The following EYA1 variants were observed in gnomAD, a reference collection of about 807,000 sequenced individuals.
The protein encoded by EYA1 is protein phosphatase EYA1.
Under a neutral mutation model 82.0 loss-of-function variants are expected in EYA1, and 16 were observed. That is an observed-to-expected ratio of 0.20 (90% CI 0.13 to 0.30). The LOEUF (loss-of-function observed/expected upper bound fraction) is 0.30, where lower values mean the gene tolerates loss of function less well. EYA1 is among the 10% of genes least tolerant of loss of function. EYA1 has a pLI of 1.00. For missense variants in EYA1, 633 were observed against 730.7 expected, an observed-to-expected ratio of 0.87 and a Z score of 1.54; for synonymous variants, 261 against 264.4, an observed-to-expected ratio of 0.99 and a Z score of 0.12.
intron 7 of EYA1, among the ~76,000 whole-genome samples, chr8:71,305,924 A>G (rs1412892468): frequency 6.6e-6 from 1 of 152,312 alleles, no homozygotes; most frequent in East Asian, 1.9e-4. Flanking sequence ...CATTAACAGC[A>G]TCTACTGGCA....
intron 2 of EYA1, among the ~76,000 whole-genome samples, chr8:71,471,553 A>G (rs563783359): frequency 1.5e-4 from 23 of 152,114 alleles, no homozygotes; most frequent in Non-Finnish European, 2.6e-4. Context: ...TTTCTCATAA[A>G]TAAAACACAA....
Position 71,214,597 on chromosome 8 carries a change from G to A in EYA1, c.1597+790C>T, listed in dbSNP as rs150448644. ...GGACCTTGGAATCAGAGAAACATGA[G>A]GCTTGAGCCTTGTGTTTGTGAACTA... On this transcript the variant is annotated intron_variant, in intron 16 of 17. Transcript: ENST00000340726. Among the ~76,000 whole-genome samples, 1,030 of 152,272 alleles carry A rather than the reference G, an allele frequency of 6.8e-3. 4 individuals carry two copies. Among genetic ancestry groups the A allele is most frequent in the Non-Finnish European group, 9.2e-3 (625 of 68,030 alleles).
intron 2 of EYA1, among the ~76,000 whole-genome samples, chr8:71,504,903 G>A (rs1471980728): frequency 6.6e-6 from 1 of 152,176 alleles, no homozygotes; most frequent in African/African-American, 2.4e-5. Context: ...CCGGGCTCAA[G>A]TGATTCTCCT....
chr8:71,500,793 A>T (rs1357997207), intron 2 of EYA1, among the ~76,000 whole-genome samples: 1 of 152,176 alleles, frequency 6.6e-6, no homozygotes, highest in Non-Finnish European at 1.5e-5. Context: ...ACACATAAGG[A>T]CAACTTATTA....
At chr8:71,459,415 G>A (rs1049712288) in intron 2 of EYA1, among the ~76,000 whole-genome samples, 1 of 152,042 alleles carries the variant, frequency 6.6e-6, no homozygotes, top group Non-Finnish European at 1.5e-5. Flanking sequence ...TTGGTGTAAT[G>A]GGCTATTTAA....
At chr8:71,345,781 C>A (rs1825628210) in intron 3 of EYA1, among the ~76,000 whole-genome samples, 1 of 152,124 alleles carries the variant, frequency 6.6e-6, no homozygotes, top group South Asian at 2.1e-4. Context: ...GTGCCCACTA[C>A]CCCTTGAATA....
intron 12 of EYA1, among the ~76,000 whole-genome samples, chr8:71,238,554 T>A (rs1446493444): frequency 1.3e-5 from 2 of 152,164 alleles, no homozygotes; most frequent in Admixed American, 1.3e-4. Flanking sequence ...TTATAAGGTT[T>A]CTTCCTAAAT....
intron 16 of EYA1, among the ~76,000 whole-genome samples, chr8:71,212,756 C>T (rs1322122571): frequency 2.0e-5 from 3 of 152,184 alleles, no homozygotes; most frequent in Non-Finnish European, 4.4e-5. Flanking sequence ...CCAGTCATCT[C>T]CTCCTATGAC....
intron 5 of EYA1, 87 bp downstream of exon 5, chr8:71,322,112 T>G: frequency 8.1e-7 from 1 of 1,229,332 alleles, no homozygotes. Flanking sequence ...TAAATTAAGA[T>G]GGAACATGTG....
chr8:71,501,023 T>C (rs900936903), intron 2 of EYA1, among the ~76,000 whole-genome samples: 2 of 152,350 alleles, frequency 1.3e-5, no homozygotes, highest in South Asian at 4.1e-4. Flanking sequence ...TAACTTGGTG[T>C]CAAGCCATAG....
intron 17 of EYA1, among the ~76,000 whole-genome samples, chr8:71,202,395 C>T (rs966599043): frequency 6.0e-4 from 92 of 152,126 alleles, no homozygotes; most frequent in African/African-American, 2.1e-3. Flanking sequence ...ACATGTTTTT[C>T]TTTTAAACCA....
intron 12 of EYA1, among the ~76,000 whole-genome samples, chr8:71,224,967 G>T (rs140659549): frequency 6.6e-6 from 1 of 152,206 alleles, no homozygotes; most frequent in Admixed American, 6.5e-5. Flanking sequence ...CCAATTGATG[G>T]AACAGATTTG....
intron 2 of EYA1, among the ~76,000 whole-genome samples, chr8:71,412,928 C>T (rs67776183): frequency 3.9e-5 from 6 of 151,970 alleles, no homozygotes; most frequent in African/African-American, 1.5e-4. Flanking sequence ...GTGGGAATAC[C>T]TTTTGGGGAG....
At chr8:71,269,903 T>C in intron 10 of EYA1, 80 bp from the exon 11 acceptor site, 1 of 1,061,528 alleles carries the variant, frequency 9.4e-7, no homozygotes, top group Non-Finnish European at 1.5e-6. Flanking sequence ...CACGAAAAAG[T>C]CATCTTGAAA....
At chr8:71,235,912 G>T (rs1231007347) in intron 12 of EYA1, among the ~76,000 whole-genome samples, 1 of 152,088 alleles carries the variant, frequency 6.6e-6, no homozygotes, top group Non-Finnish European at 1.5e-5. Flanking sequence ...ATTAAATCAG[G>T]ATTATATACT....
intron 2 of EYA1, among the ~76,000 whole-genome samples, chr8:71,412,256 C>A (rs191019283): frequency 0.14 from 19,100 of 133,184 alleles, 1,637 homozygotes; most frequent in African/African-American, 0.21. Flanking sequence ...GGAGGGATAG[C>A]ATTGGGAGAT....
intron 2 of EYA1, among the ~76,000 whole-genome samples, chr8:71,434,414 A>G (rs1393883752): frequency 6.6e-6 from 1 of 152,192 alleles, no homozygotes; most frequent in Non-Finnish European, 1.5e-5. Flanking sequence ...CAGTGATAAA[A>G]GGATTGTTGA....
At chr8:71,400,513 A>G (rs1399146740) in intron 2 of EYA1, among the ~76,000 whole-genome samples, 1 of 149,800 alleles carries the variant, frequency 6.7e-6, no homozygotes, top group African/African-American at 2.4e-5. Context: ...GCAAACATTT[A>G]TGCAGCCAAC....
At chr8:71,425,057 G>A (rs180775965) in intron 2 of EYA1, among the ~76,000 whole-genome samples, 2 of 135,692 alleles carry the variant, frequency 1.5e-5, no homozygotes, top group East Asian at 2.1e-4. Context: ...TCAGGAGATC[G>A]AGACTATCCT....
Sources: allele counts gnomAD v4.1 joint callset (sites outside exome capture counted in the v4.1 genomes callset), GRCh38; gene constraint gnomAD v4.1.1; transcripts MANE v1.5; gene names NCBI Gene and HGNC (gene_info 2026-07-23, HGNC 2026-07-21).